Variants in GRID2 observed in about 807,000 individuals in gnomAD.
GRID2 encodes the protein glutamate ionotropic receptor delta type subunit 2.
In GRID2, 33 loss-of-function variants were observed where a neutral mutation model predicts 114.8. The ratio of observed to expected loss-of-function variants is 0.29; its 90% CI spans 0.22 to 0.38. The LOEUF (loss-of-function observed/expected upper bound fraction) is 0.38, where lower values mean the gene tolerates loss of function less well. GRID2 is among the 10% of genes least tolerant of loss of function. The pLI is 1.00. For missense variants in GRID2, 1,184 were observed against 1,257.7 expected (o/e 0.94, Z 0.89); for synonymous variants, 505 against 449.9 (o/e 1.12, Z -1.55).
intron 2 of GRID2, among the ~76,000 whole-genome samples, chr4:93,078,874 G>A (rs1038087345): frequency 7.0e-6 from 1 of 143,294 alleles, no homozygotes; most frequent in Non-Finnish European, 1.5e-5. Context: ...TCATATAATT[G>A]TATTTTGTAT....
intron 2 of GRID2, among the ~76,000 whole-genome samples, chr4:92,632,711 G>T (rs1358220217): frequency 3.3e-5 from 5 of 151,698 alleles, no homozygotes; most frequent in Non-Finnish European, 7.4e-5. Flanking sequence ...GGGAAGGAAG[G>T]GAAGGAGTGA....
intron 13 of GRID2, among the ~76,000 whole-genome samples, chr4:93,592,173 G>C (rs11937168): frequency 6.6e-6 from 1 of 151,620 alleles, no homozygotes; most frequent in Admixed American, 6.6e-5. Flanking sequence ...AGATCTTTCC[G>C]GCTTTCTCTT....
intron 2 of GRID2, among the ~76,000 whole-genome samples, chr4:93,058,645 A>C (rs1727490684): frequency 1.3e-5 from 2 of 151,920 alleles, no homozygotes; most frequent in African/African-American, 2.4e-5. Context: ...GGAAATAGAA[A>C]AGTTCTCCAA....
intron 9 of GRID2, among the ~76,000 whole-genome samples, chr4:93,414,246 G>A (rs898599235): frequency 2.6e-5 from 4 of 152,064 alleles, no homozygotes; most frequent in Non-Finnish European, 5.9e-5. Flanking sequence ...TGATCTCCCA[G>A]CTTCTTCACT....
chr4:93,373,293 A>G, intron 8 of GRID2, among the ~76,000 whole-genome samples: 1 of 150,964 alleles, frequency 6.6e-6, no homozygotes. Context: ...TAGTTTAAAT[A>G]CCTTCTGTTC....
intron 13 of GRID2, among the ~76,000 whole-genome samples, chr4:93,549,990 G>C (rs928226843): frequency 1.3e-5 from 2 of 152,178 alleles, no homozygotes; most frequent in African/African-American, 4.8e-5. Flanking sequence ...AATCAGAATA[G>C]CACTTACCTC....
At chr4:93,017,342 C>T (rs1217142123) in intron 2 of GRID2, among the ~76,000 whole-genome samples, 2 of 151,992 alleles carry the variant, frequency 1.3e-5, no homozygotes, top group Non-Finnish European at 2.9e-5. Context: ...GACAGGGTAG[C>T]CTTTTTTAGT....
intron 1 of GRID2, among the ~76,000 whole-genome samples, chr4:92,514,979 A>G (rs1156252359): frequency 6.6e-6 from 1 of 151,812 alleles, no homozygotes; most frequent in Non-Finnish European, 1.5e-5. Flanking sequence ...CAATTGCCCT[A>G]TATCAGGTCT....
At chr4:92,383,441 C>T (rs904401326) in intron 1 of GRID2, among the ~76,000 whole-genome samples, 1 of 152,056 alleles carries the variant, frequency 6.6e-6, no homozygotes, top group African/African-American at 2.4e-5. Flanking sequence ...TAATACATAC[C>T]TTTCAGCCCA....
chr4:92,774,539 A>C (rs564769590), intron 2 of GRID2, among the ~76,000 whole-genome samples: 4 of 151,534 alleles, frequency 2.6e-5, no homozygotes, highest in Non-Finnish European at 4.4e-5. Flanking sequence ...TGAAGGAATG[A>C]ATCAAGATAT....
intron 8 of GRID2, among the ~76,000 whole-genome samples, chr4:93,267,658 T>G (rs1048480476): frequency 1.8e-4 from 28 of 152,148 alleles, no homozygotes; most frequent in African/African-American, 6.8e-4. Context: ...CCTCTCAGGC[T>G]AAAACCCTCT....
chr4:93,206,320 T>C (rs1426809243), intron 4 of GRID2, among the ~76,000 whole-genome samples: 1 of 151,984 alleles, frequency 6.6e-6, no homozygotes, highest in Non-Finnish European at 1.5e-5. Flanking sequence ...TGTGATGCAA[T>C]GCACCTCTTA....
intron 2 of GRID2, among the ~76,000 whole-genome samples, chr4:92,862,667 C>G (rs1210654185): frequency 1.3e-5 from 2 of 152,058 alleles, no homozygotes; most frequent in Non-Finnish European, 2.9e-5. Flanking sequence ...TAAAAGTTTT[C>G]TGGTACTTTG....
intron 11 of GRID2, among the ~76,000 whole-genome samples, chr4:93,462,008 T>G (rs989231286): frequency 6.6e-6 from 1 of 152,192 alleles, no homozygotes; most frequent in Non-Finnish European, 1.5e-5. Context: ...CAGAATTATC[T>G]TCAGATGTTT....
At chr4:93,606,205 T>A (rs983582986) in intron 13 of GRID2, among the ~76,000 whole-genome samples, 2 of 151,948 alleles carry the variant, frequency 1.3e-5, no homozygotes, top group Non-Finnish European at 2.9e-5. Context: ...AAACAGAGAC[T>A]GCAGTGAGCT....
intron 2 of GRID2, among the ~76,000 whole-genome samples, chr4:93,010,166 T>A (rs1035352233): frequency 7.9e-5 from 12 of 151,982 alleles, no homozygotes; most frequent in East Asian, 3.9e-4. Flanking sequence ...CTTAAAAAAA[T>A]TTTTTTTATC....
intron 2 of GRID2, among the ~76,000 whole-genome samples, chr4:92,704,729 C>CTT (rs1734868191): frequency 1.5e-5 from 2 of 134,668 alleles, no homozygotes; most frequent in Non-Finnish European, 3.4e-5. Context: ...CTCTTTCTCT[C>CTT]TCTCTCTCTC....
At chr4:93,123,825 T>C (rs1479216565) in intron 4 of GRID2, among the ~76,000 whole-genome samples, 1 of 152,160 alleles carries the variant, frequency 6.6e-6, no homozygotes, top group Non-Finnish European at 1.5e-5. Flanking sequence ...CCTGCTGTAG[T>C]CTTCTCAAAG....
chr4:93,754,274 G>A (rs577438706), intron 14 of GRID2, among the ~76,000 whole-genome samples: 1 of 152,262 alleles, frequency 6.6e-6, no homozygotes, highest in South Asian at 2.1e-4. Context: ...GCACTACTGG[G>A]AATATTGGGT....
Sources: gnomAD v4.1 joint callset for allele counts (sites outside exome capture counted in the v4.1 genomes callset) on GRCh38, gnomAD v4.1.1 for gene constraint, MANE v1.5 for transcripts, NCBI Gene and HGNC (gene_info 2026-07-23, HGNC 2026-07-21) for gene names.